The following MAPK10 variants were observed in gnomAD, a reference collection of about 807,000 sequenced individuals.
MAPK10 encodes mitogen-activated protein kinase 10.
MAPK10 carries 25 observed loss-of-function variants against 59.3 expected under a neutral mutation model. The ratio of observed to expected loss-of-function variants is 0.42; its 90% CI spans 0.31 to 0.59. The LOEUF (loss-of-function observed/expected upper bound fraction) is 0.59, where lower values mean the gene tolerates loss of function less well. Among genes scored for constraint, MAPK10 ranks in the 20% least tolerant of loss-of-function variants. The probability of loss-of-function intolerance (pLI) is 0.15; values close to 1 mark genes in which losing one functional copy is unlikely to be tolerated. For synonymous variants in MAPK10, 190 were observed against 200.5 expected (o/e 0.95, Z 0.44); for missense variants, 351 against 568.9 (o/e 0.62, Z 3.90).
chr4:86,151,392 G>T (rs1360925040), intron 4 of MAPK10, among the ~76,000 whole-genome samples: 1 of 152,154 alleles, frequency 6.6e-6, no homozygotes, highest in East Asian at 1.9e-4. Flanking sequence ...ATGCAAAATG[G>T]TTGCTGAGCA....
intron 1 of MAPK10, among the ~76,000 whole-genome samples, chr4:86,583,914 A>G (rs1762481883): frequency 6.6e-6 from 1 of 152,118 alleles, no homozygotes; most frequent in African/African-American, 2.4e-5. Context: ...GAGTCTAGCT[A>G]TTTGCTGAAA....
intron 4 of MAPK10, among the ~76,000 whole-genome samples, chr4:86,157,626 A>C (rs2068220004): frequency 6.6e-6 from 1 of 151,992 alleles, no homozygotes; most frequent in African/African-American, 2.4e-5. Context: ...TAAGAGAGGC[A>C]GATGAGCTCA....
chr4:86,237,830 C>A (rs1039315815), intron 2 of MAPK10, among the ~76,000 whole-genome samples: 1 of 152,108 alleles, frequency 6.6e-6, no homozygotes, highest in African/African-American at 2.4e-5. Flanking sequence ...TCTTGCTGTG[C>A]AGAGGCTCTT....
chr4:86,014,346 TAAGAC>T lies in MAPK10; in HGVS notation c.*2877_*2881del, dbSNP rs1742482233. On this transcript the variant is annotated 3_prime_UTR_variant, in exon 14 of 14. Coordinates refer to ENST00000641462, the MANE Select transcript of MAPK10 (RefSeq NM_138982.4). The stretch of plus-strand genomic sequence containing the variant: ...TGTGTGTGTGTGTGTGTGTGTGTGT[TAAGAC>T]AGACAAGTGAATGCAGAACATATTA... 1 of 115,444 alleles carries T rather than the reference TAAGAC, an allele frequency of 8.7e-6. No homozygotes were observed. Among genetic ancestry groups the T allele is most frequent in the Non-Finnish European group, 2.0e-5 (1 of 49,378 alleles). The allele number at this position is 115,444 out of a possible 1,614,324, so 7.2% of individuals were successfully genotyped here. A position where few individuals can be genotyped will look rare whatever the true frequency, so the allele number is the denominator to read the frequency against.
At chr4:86,336,934 G>A (rs1323248337) in intron 2 of MAPK10, among the ~76,000 whole-genome samples, 1 of 151,852 alleles carries the variant, frequency 6.6e-6, no homozygotes, top group East Asian at 1.9e-4. Context: ...GGGACTACAG[G>A]CGCCCGCCAC....
At chr4:86,470,960 A>G (rs999634316) in intron 1 of MAPK10, among the ~76,000 whole-genome samples, 4 of 152,242 alleles carry the variant, frequency 2.6e-5, no homozygotes, top group African/African-American at 9.6e-5. Flanking sequence ...TTAAATATTT[A>G]CTGGCATTGT....
chr4:86,289,086 G>T (rs1010401513), intron 2 of MAPK10, among the ~76,000 whole-genome samples: 3 of 152,190 alleles, frequency 2.0e-5, no homozygotes, highest in African/African-American at 7.2e-5. Context: ...TTTAGATAGA[G>T]TAGTCAGATA....
At chr4:86,493,451 A>G (rs532050609) in intron 1 of MAPK10, among the ~76,000 whole-genome samples, 1 of 152,194 alleles carries the variant, frequency 6.6e-6, no homozygotes, top group South Asian at 2.1e-4. Context: ...CCTTTTCTTT[A>G]TTGCATTTCC....
intron 2 of MAPK10, among the ~76,000 whole-genome samples, chr4:86,203,730 C>T (rs1245366755): frequency 6.7e-6 from 1 of 150,294 alleles, no homozygotes; most frequent in Non-Finnish European, 1.5e-5. Context: ...CATACATATG[C>T]TTGCAAGCTG....
chr4:86,231,096 G>C (rs1439857054), intron 2 of MAPK10, among the ~76,000 whole-genome samples: 1 of 152,114 alleles, frequency 6.6e-6, no homozygotes, highest in Non-Finnish European at 1.5e-5. Flanking sequence ...ATGCAAGGAG[G>C]GGATTTTTAA....
chr4:86,172,467 T>C (rs910513091), intron 3 of MAPK10, among the ~76,000 whole-genome samples: 3 of 150,406 alleles, frequency 2.0e-5, no homozygotes, highest in Admixed American at 6.6e-5. Context: ...AGTAAACTAT[T>C]GCGAGGACAA....
chr4:86,565,257 C>T (rs1349405437), intron 1 of MAPK10, among the ~76,000 whole-genome samples: 1 of 152,188 alleles, frequency 6.6e-6, no homozygotes, highest in Non-Finnish European at 1.5e-5. Context: ...TCACATCATA[C>T]ATATCCTCAT....
intron 1 of MAPK10, among the ~76,000 whole-genome samples, chr4:86,534,995 A>AGGAG (rs1437386696): frequency 6.6e-6 from 1 of 152,192 alleles, no homozygotes; most frequent in Non-Finnish European, 1.5e-5. Context: ...AGTCATCTTT[A>AGGAG]GGAGCAAAGG....
intron 4 of MAPK10, among the ~76,000 whole-genome samples, chr4:86,113,261 T>C (rs1049723647): frequency 7.9e-5 from 12 of 152,218 alleles, no homozygotes; most frequent in Non-Finnish European, 1.5e-5. Flanking sequence ...GTCATCATGA[T>C]GCTGGCTGGT....
At chr4:86,102,246 T>C (rs2055568759) in intron 6 of MAPK10, 2 of 442,766 alleles carry the variant, frequency 4.5e-6, no homozygotes, top group South Asian at 6.1e-5. Flanking sequence ...TATTAATGTC[T>C]GGTTCATGTC....
At chr4:86,370,059 G>A (rs1464539938) in intron 1 of MAPK10, among the ~76,000 whole-genome samples, 1 of 152,146 alleles carries the variant, frequency 6.6e-6, no homozygotes, top group Non-Finnish European at 1.5e-5. Flanking sequence ...CCCACACTTA[G>A]ATTAAAATTT....
chr4:86,303,442 A>G (rs1008506150), intron 2 of MAPK10, among the ~76,000 whole-genome samples: 11 of 152,230 alleles, frequency 7.2e-5, no homozygotes, highest in African/African-American at 2.7e-4. Context: ...GATGAAAAAA[A>G]AAGTTTTCTG....
At chr4:86,148,653 G>A (rs953028660) in intron 4 of MAPK10, among the ~76,000 whole-genome samples, 38 of 152,284 alleles carry the variant, frequency 2.5e-4, no homozygotes, top group African/African-American at 8.4e-4. Context: ...CTATGACTCC[G>A]TAATTTTTAA....
chr4:86,549,162 TATC>T (rs376552245), intron 1 of MAPK10, among the ~76,000 whole-genome samples: 37 of 152,312 alleles, frequency 2.4e-4, no homozygotes, highest in African/African-American at 6.5e-4. Flanking sequence ...AACCATATCT[TATC>T]ATCGTGATAG....
Sources: gnomAD v4.1 joint callset for allele counts (sites outside exome capture counted in the v4.1 genomes callset) on GRCh38, gnomAD v4.1.1 for gene constraint, MANE v1.5 for transcripts, NCBI Gene and HGNC (gene_info 2026-07-23, HGNC 2026-07-21) for gene names.